Variants in RGSL1 observed in about 807,000 individuals in gnomAD.
RGSL1 encodes regulator of G protein signaling like 1, also known as regulator of G protein signaling protein-like.
In RGSL1, 97 loss-of-function variants were observed where a neutral mutation model predicts 124.7. The observed-to-expected ratio is 0.78, with a 90% CI of 0.66 to 0.92. RGSL1 has a LOEUF of 0.92. RGSL1 is among the 40% of genes least tolerant of loss of function. RGSL1 has a pLI of 0.00. For missense variants in RGSL1, 1,233 were observed against 1,288.4 expected, an observed-to-expected ratio of 0.96 and a Z score of 0.66; for synonymous variants, 424 against 438.1, an observed-to-expected ratio of 0.97 and a Z score of 0.40.
chr1:182,508,035 C>G (rs1656958429), intron 9 of RGSL1, among the ~76,000 whole-genome samples: 1 of 152,120 alleles, frequency 6.6e-6, no homozygotes, highest in Non-Finnish European at 1.5e-5. Context: ...TTTCTTTAAA[C>G]TATATACCCA....
At chr1:182,544,551 A>T (rs1660090044) in intron 15 of RGSL1, among the ~76,000 whole-genome samples, 1 of 151,788 alleles carries the variant, frequency 6.6e-6, no homozygotes, top group Non-Finnish European at 1.5e-5. Flanking sequence ...GTTGTTGTTG[A>T]TTTTCTATCT....
chr1:182,462,377 C>G (rs2102002946), intron 4 of RGSL1, among the ~76,000 whole-genome samples: 1 of 152,138 alleles, frequency 6.6e-6, no homozygotes, highest in Middle Eastern at 3.4e-3. Context: ...TGAAAGAACA[C>G]TAGACAGTAA....
rs1438106552 is a variant in RGSL1, at chr1:182,509,340, C to T, written c.1826-12664C>T. On this transcript the variant is annotated intron_variant, in intron 9 of 21. Transcript: ENST00000294854. ...GCTGACCCCCCACCTCCCTCCCGGACGGGGCGGCTGGCCGGGCAGAGGGGC... is the reference window on the plus strand; with the variant it reads ...GCTGACCCCCCACCTCCCTCCCGGATGGGGCGGCTGGCCGGGCAGAGGGGC... Among the ~76,000 whole-genome samples, 13 of 32,186 alleles carry T rather than the reference C, an allele frequency of 4.0e-4. 1 individual carries two copies. The highest frequency in any genetic ancestry group is 2.8e-3 in the South Asian group (3 of 1,070). The allele number at this position is 32,186 out of a possible 152,430, so 21.1% of individuals were successfully genotyped here. A position where few individuals can be genotyped will look rare whatever the true frequency, so the allele number is the denominator to read the frequency against.
chr1:182,489,408 G>A (rs1655357327), intron 8 of RGSL1, among the ~76,000 whole-genome samples: 2 of 152,220 alleles, frequency 1.3e-5, no homozygotes, highest in Admixed American at 1.3e-4. Flanking sequence ...GTAAGTTGCA[G>A]TCAGGATTTG....
intron 8 of RGSL1, among the ~76,000 whole-genome samples, chr1:182,492,528 G>A (rs1655603593): frequency 6.6e-6 from 1 of 152,170 alleles, no homozygotes; most frequent in South Asian, 2.1e-4. Flanking sequence ...TCATTCTGGA[G>A]GGAAGAGGAG....
Position 182,556,782 on chromosome 1 carries a change from TG to T in RGSL1, c.*165+561del, listed in dbSNP as rs1157000198. Among the ~76,000 whole-genome samples, 10 of 152,096 alleles carry T rather than the reference TG, an allele frequency of 6.6e-5. No individual in the cohort carries two copies. In the East Asian group the frequency reaches 1.9e-3, roughly 29 times the overall value. On this transcript the variant is annotated intron_variant, in intron 21 of 21. Coordinates refer to ENST00000294854, the MANE Select transcript of RGSL1 (RefSeq NM_001137669.2). ...TTTTTGACCTAAAGCCCTAAACTAT[TG>T]TCATAATTTTAAATGAATAGGCCTA...
intron 15 of RGSL1, among the ~76,000 whole-genome samples, chr1:182,544,870 T>C (rs1012563831): frequency 1.3e-5 from 2 of 152,118 alleles, no homozygotes; most frequent in African/African-American, 4.8e-5. Context: ...TCACTTTTAG[T>C]CTATGTGTGT....
intron 14 of RGSL1, among the ~76,000 whole-genome samples, chr1:182,536,414 A>G (rs1162702161): frequency 6.6e-6 from 1 of 152,184 alleles, no homozygotes; most frequent in African/African-American, 2.4e-5. Context: ...CATTTTCACC[A>G]CTGATGTATG....
chr1:182,555,859 G>C (rs1384869684), intron 20 of RGSL1, 165 bp from the exon 21 acceptor site: 4 of 636,532 alleles, frequency 6.3e-6, no homozygotes, highest in Middle Eastern at 4.1e-4. Flanking sequence ...AGGCCTTGGG[G>C]AAGAAGGTGA....
chr1:182,511,554 AG>A (rs1387854279), intron 9 of RGSL1, among the ~76,000 whole-genome samples: 1 of 152,200 alleles, frequency 6.6e-6, no homozygotes, highest in African/African-American at 2.4e-5. Flanking sequence ...GTTGAAGATG[AG>A]TTGGCTGTAA....
At chr1:182,486,197 T>A (rs1292210744) in intron 6 of RGSL1, among the ~76,000 whole-genome samples, 1 of 152,196 alleles carries the variant, frequency 6.6e-6, no homozygotes, top group South Asian at 2.1e-4. Flanking sequence ...TTATTATTCA[T>A]GACTATTATT....
intron 12 of RGSL1, 136 bp downstream of exon 12, chr1:182,530,497 T>G: frequency 1.4e-6 from 1 of 725,676 alleles, no homozygotes; most frequent in Non-Finnish European, 2.2e-6. Context: ...AAATTCAAAC[T>G]TATCTTGAAC....
At chr1:182,512,267 C>G (rs1657517932) in intron 9 of RGSL1, among the ~76,000 whole-genome samples, 1 of 152,074 alleles carries the variant, frequency 6.6e-6, no homozygotes, top group African/African-American at 2.4e-5. Context: ...TATAGTGACT[C>G]TCTGTCTCTT....
chr1:182,558,023 G>A (rs1245680143), intron 21 of RGSL1, among the ~76,000 whole-genome samples: 1 of 151,968 alleles, frequency 6.6e-6, no homozygotes, highest in Non-Finnish European at 1.5e-5. Context: ...AGCCAACCTG[G>A]TGTTGCCAGA....
At chr1:182,560,012 C>G (rs1197615346) in intron 21 of RGSL1, among the ~76,000 whole-genome samples, 1 of 152,208 alleles carries the variant, frequency 6.6e-6, no homozygotes, top group African/African-American at 2.4e-5. Flanking sequence ...CAGTGACATG[C>G]AGATAATAGT....
At chr1:182,548,268 C>T (rs767402938) in intron 15 of RGSL1, 49 bp from the exon 16 acceptor site, 3 of 1,548,150 alleles carry the variant, frequency 1.9e-6, no homozygotes, top group South Asian at 2.4e-5. Context: ...TTGTTAGTCA[C>T]TGTTTTCATC....
intron 9 of RGSL1, among the ~76,000 whole-genome samples, chr1:182,518,239 G>T (rs528165320): frequency 6.6e-6 from 1 of 152,056 alleles, no homozygotes; most frequent in Non-Finnish European, 1.5e-5. Flanking sequence ...TCACCATGTT[G>T]CCCAAGCTGG....
chr1:182,463,130 A>T (rs1268937642), intron 4 of RGSL1, among the ~76,000 whole-genome samples: 2 of 152,000 alleles, frequency 1.3e-5, no homozygotes, highest in East Asian at 3.9e-4. Flanking sequence ...CGTCTCTATT[A>T]AAAATACAAA....
chr1:182,494,233 G>T (rs1183942338), intron 9 of RGSL1, among the ~76,000 whole-genome samples: 3 of 152,192 alleles, frequency 2.0e-5, no homozygotes, highest in Non-Finnish European at 4.4e-5. Context: ...TGATCTTAAT[G>T]ATTAGGATCA....
Sources: allele counts gnomAD v4.1 joint callset (sites outside exome capture counted in the v4.1 genomes callset), GRCh38; gene constraint gnomAD v4.1.1; transcripts MANE v1.5; gene names NCBI Gene and HGNC (gene_info 2026-07-23, HGNC 2026-07-21).